Variants in PDZRN4 observed in about 807,000 individuals in gnomAD.
PDZRN4 encodes PDZ domain containing ring finger 4.
A neutral mutation model predicts 99.0 loss-of-function variants in PDZRN4; 70 were observed. The observed-to-expected ratio is 0.71, with a 90% confidence interval of 0.58 to 0.86. PDZRN4 has a LOEUF of 0.86. Among genes scored for constraint, PDZRN4 ranks in the 40% least tolerant of loss-of-function variants. The pLI is 0.00. For missense variants in PDZRN4, 1,474 were observed against 1,331.2 expected, an observed-to-expected ratio of 1.11 and a Z score of -1.67; for synonymous variants, 551 against 501.6, an observed-to-expected ratio of 1.10 and a Z score of -1.32.
intron 3 of PDZRN4, among the ~76,000 whole-genome samples, chr12:41,362,330 A>T (rs1295910564): frequency 6.6e-6 from 1 of 151,860 alleles, no homozygotes; most frequent in Non-Finnish European, 1.5e-5. Context: ...ATTTATTTTG[A>T]TCCACATTAG....
chr12:41,325,436 A>G (rs1951703098), intron 3 of PDZRN4, among the ~76,000 whole-genome samples: 1 of 152,228 alleles, frequency 6.6e-6, no homozygotes, highest in South Asian at 2.1e-4. Flanking sequence ...TATCAGAAAT[A>G]GTATAATAAT....
intron 3 of PDZRN4, among the ~76,000 whole-genome samples, chr12:41,441,855 G>C (rs575241098): frequency 3.9e-5 from 6 of 152,116 alleles, no homozygotes; most frequent in African/African-American, 1.2e-4. Flanking sequence ...GGCCACTTCT[G>C]CCTTCTCCAC....
intron 3 of PDZRN4, among the ~76,000 whole-genome samples, chr12:41,496,320 G>C (rs1300412634): frequency 6.6e-6 from 1 of 152,124 alleles, no homozygotes; most frequent in Non-Finnish European, 1.5e-5. Flanking sequence ...AGGAGGGAGG[G>C]AAGGAAGTGT....
intron 5 of PDZRN4, among the ~76,000 whole-genome samples, chr12:41,549,670 T>C (rs1939019528): frequency 6.6e-6 from 1 of 152,204 alleles, no homozygotes; most frequent in African/African-American, 2.4e-5. Flanking sequence ...CCTTTATTAA[T>C]ATGCGCTAAA....
chr12:41,242,917 C>A (rs560570264), intron 3 of PDZRN4, among the ~76,000 whole-genome samples: 2 of 152,320 alleles, frequency 1.3e-5, no homozygotes, highest in Admixed American at 1.3e-4. Context: ...ATAGAATTGG[C>A]AGAAGCATCT....
At chr12:41,489,343 C>A (rs1018640705) in intron 3 of PDZRN4, among the ~76,000 whole-genome samples, 1 of 152,012 alleles carries the variant, frequency 6.6e-6, no homozygotes, top group Admixed American at 6.6e-5. Context: ...CAGCCTGCTA[C>A]AACAAAGAAT....
chr12:41,234,341 A>T (rs1951051151), intron 3 of PDZRN4, among the ~76,000 whole-genome samples: 1 of 152,120 alleles, frequency 6.6e-6, no homozygotes, highest in Non-Finnish European at 1.5e-5. Flanking sequence ...GAAACTCAAG[A>T]CCATTGGTCA....
intron 3 of PDZRN4, among the ~76,000 whole-genome samples, chr12:41,218,599 G>A (rs556954748): frequency 1.3e-5 from 2 of 152,098 alleles, no homozygotes; most frequent in South Asian, 4.2e-4. Flanking sequence ...CAATTGTTGG[G>A]CGTAATAAGT....
intron 3 of PDZRN4, among the ~76,000 whole-genome samples, chr12:41,258,014 C>T (rs975917933): frequency 6.6e-6 from 1 of 152,066 alleles, no homozygotes; most frequent in African/African-American, 2.4e-5. Flanking sequence ...AGTGAAGAAA[C>T]AGTACCAGAA....
At chr12:41,558,572 T>G (rs753865529) in intron 7 of PDZRN4, among the ~76,000 whole-genome samples, 1 of 137,742 alleles carries the variant, frequency 7.3e-6, no homozygotes, top group Non-Finnish European at 1.5e-5. Context: ...GCATACTGTA[T>G]GTTATGACAC....
intron 4 of PDZRN4, 116 bp downstream of exon 4, chr12:41,506,828 G>A (rs1938215505): frequency 8.6e-7 from 1 of 1,156,772 alleles, no homozygotes. Context: ...AGGCTTCCCA[G>A]CTCCGTTTGG....
At chr12:41,509,266 G>T (rs1407330105) in intron 4 of PDZRN4, among the ~76,000 whole-genome samples, 1 of 152,072 alleles carries the variant, frequency 6.6e-6, no homozygotes, top group Non-Finnish European at 1.5e-5. Flanking sequence ...AGGGGAAAAT[G>T]TGCATTATGA....
intron 3 of PDZRN4, among the ~76,000 whole-genome samples, chr12:41,307,692 T>C (rs1007332559): frequency 3.9e-5 from 6 of 152,140 alleles, no homozygotes; most frequent in African/African-American, 1.4e-4. Context: ...TCTTACCACA[T>C]TTCTTCCAGA....
At chr12:41,204,880 A>G (rs1462686579) in intron 3 of PDZRN4, among the ~76,000 whole-genome samples, 3 of 152,010 alleles carry the variant, frequency 2.0e-5, no homozygotes, top group South Asian at 2.1e-4. Flanking sequence ...TTTTCTCTCA[A>G]TCAAATATGT....
intron 3 of PDZRN4, among the ~76,000 whole-genome samples, chr12:41,392,437 A>T (rs979045489): frequency 6.6e-6 from 1 of 152,212 alleles, no homozygotes; most frequent in Non-Finnish European, 1.5e-5. Context: ...TTCATTTAAA[A>T]GTCTGGCTGT....
At chr12:41,194,754 A>G (rs1014705544) in intron 3 of PDZRN4, among the ~76,000 whole-genome samples, 6 of 152,230 alleles carry the variant, frequency 3.9e-5, no homozygotes, top group Non-Finnish European at 7.3e-5. Context: ...CCTCTGTTTT[A>G]ATAACCTGTG....
In PDZRN4 at chr12:41,573,704, T is replaced by G. The variant is rs1303285453; in HGVS notation, c.2925T>G (p.Pro975=). ...GGTTAGAGTGTCTCAAGGAGAGCCC[T>G]CAGAGCGGCAGTGAGGGCAAGAAGG... is the stretch of plus-strand genomic sequence containing the variant. ...RSRLECLKES[P]QSGSEGKKEI... The change falls in exon 10 of 10, where the codon CCT becomes CCG. Residue 975 remains proline (P), a synonymous_variant. Coordinates refer to ENST00000402685, the MANE Select transcript of PDZRN4 (RefSeq NM_001164595.2). 6.2e-7 allele frequency: 1 copy of G among 1,613,844 alleles called. No homozygotes were observed. The highest frequency in any genetic ancestry group is 2.2e-5 in the East Asian group (1 of 44,838).
chr12:41,368,284 T>A (rs879588080), intron 3 of PDZRN4, among the ~76,000 whole-genome samples: 7 of 152,028 alleles, frequency 4.6e-5, no homozygotes, highest in African/African-American at 1.7e-4. Context: ...CAGGACAGGA[T>A]GTTTTCTCTA....
At chr12:41,568,317 T>C (rs1207710046) in intron 9 of PDZRN4, among the ~76,000 whole-genome samples, 6 of 152,230 alleles carry the variant, frequency 3.9e-5, no homozygotes, top group Non-Finnish European at 2.9e-5. Flanking sequence ...CACTATAGGA[T>C]GAAGATGACA....
Sources: allele counts gnomAD v4.1 joint callset (sites outside exome capture counted in the v4.1 genomes callset), GRCh38; gene constraint gnomAD v4.1.1; transcripts MANE v1.5; gene names NCBI Gene and HGNC (gene_info 2026-07-23, HGNC 2026-07-21).